Variants in NUDT7 observed in about 807,000 individuals in gnomAD.
NUDT7 encodes the protein nudix hydrolase 7.
Under a neutral mutation model 13.1 loss-of-function variants are expected in NUDT7, and 19 were observed. That is an observed-to-expected ratio of 1.45 (90% CI 1.01 to 2.13). The LOEUF (loss-of-function observed/expected upper bound fraction) is 2.13. Among genes scored for constraint, NUDT7 ranks in the 30% most tolerant of loss-of-function variants. The pLI, the probability that NUDT7 is intolerant of heterozygous loss-of-function variation, is 0.00. For synonymous variants in NUDT7, 132 were observed against 109.7 expected (o/e 1.20, Z -1.27); for missense variants, 360 against 291.7 (o/e 1.23, Z -1.71).
At position 77,735,987 on chromosome 16, in the gene NUDT7, G is replaced by A. The variant is rs2014471906; in HGVS notation, c.348+1G>A. On this transcript the variant is annotated splice_donor_variant, in intron 3 of 3. Transcript: ENST00000268533. LOFTEE classifies it high-confidence loss of function. ...CTGCCTGGTGCCATGTCTTATTGAT[G>A]TAAGGGTTTCCTGAGACACTCATGA... 2.5e-6 allele frequency: 4 copies of A among 1,613,964 alleles called. No homozygotes were observed.
At chr16:77,731,134 T>C (rs921725055) in intron 2 of NUDT7, among the ~76,000 whole-genome samples, 4 of 152,298 alleles carry the variant, frequency 2.6e-5, no homozygotes, top group Middle Eastern at 3.4e-3. Flanking sequence ...TTTGGGGTCA[T>C]ATTTTAAAAA....
At chr16:77,729,480 T>A (rs2014244242) in intron 2 of NUDT7, among the ~76,000 whole-genome samples, 1 of 152,058 alleles carries the variant, frequency 6.6e-6, no homozygotes, top group African/African-American at 2.4e-5. Flanking sequence ...ACCATATACA[T>A]CATATAGTAA....
intron 2 of NUDT7, 176 bp downstream of exon 2, chr16:77,725,760 T>G (rs1242324829): frequency 1.6e-6 from 1 of 609,198 alleles, no homozygotes; most frequent in African/African-American, 1.8e-5. Flanking sequence ...GGAGAAGGTT[T>G]AACAAGAAAA....
intron 2 of NUDT7, among the ~76,000 whole-genome samples, chr16:77,734,922 A>G (rs529603949): frequency 5.4e-4 from 82 of 152,228 alleles, no homozygotes; most frequent in African/African-American, 2.0e-3. Flanking sequence ...AGTAGGGATG[A>G]TTGTACAACA....
chr16:77,722,538 A>T lies in NUDT7; in HGVS notation c.-45A>T. The stretch of plus-strand genomic sequence containing the variant: ...TGCTCTGCGCAAGCGCGACCGACCG[A>T]GCAGCTCCGAGGAGTCCGCCCGGAA... On this transcript the variant is annotated 5_prime_UTR_variant, in exon 1 of 4. Transcript: ENST00000268533. 2 of 1,552,066 alleles carry T rather than the reference A, an allele frequency of 1.3e-6. No individual in the cohort carries two copies. Among genetic ancestry groups the T allele is most frequent in the Non-Finnish European group, 1.7e-6 (2 of 1,144,836 alleles).
intron 1 of NUDT7, among the ~76,000 whole-genome samples, chr16:77,723,619 G>T (rs1158739577): frequency 1.6e-5 from 2 of 126,086 alleles, no homozygotes; most frequent in African/African-American, 3.4e-5. Flanking sequence ...TTGAGACAGA[G>T]TCTCACTCTG....
At chr16:77,736,092 A>C in intron 3 of NUDT7, 106 bp downstream of exon 3, 2 of 1,078,390 alleles carry the variant, frequency 1.9e-6, no homozygotes, top group Non-Finnish European at 2.7e-6. Context: ...AGTACTGTAC[A>C]TAAAGTCAAG....
rs762329400 is a variant in NUDT7 at position 77,725,570 on chromosome 16, G to A, written c.175G>A (p.Val59Ile). 1.0e-4 allele frequency: 167 copies of A among 1,613,914 alleles called. 2 individuals carry two copies. The South Asian group carries it at 1.5e-3, about 15-fold the overall frequency. Residue 59 changes from valine to isoleucine, a missense_variant, in exon 2 of 4, where the codon GTC (valine) becomes ATC (isoleucine). Val to Ile is a conservative substitution (Grantham distance 29). Coordinates refer to ENST00000268533, the MANE Select transcript of NUDT7 (RefSeq NM_001105663.3). ...KEGKLHLLFTVRSEKLRRAPG... is the reference protein window; with the variant it reads ...KEGKLHLLFTIRSEKLRRAPG... The stretch of plus-strand genomic sequence containing the variant: ...AGGAAAACTCCATTTGTTGTTCACC[G>A]TCCGGTCAGAGAAGGTAGGTGGACA...
chr16:77,727,986 G>C (rs1289867736), intron 2 of NUDT7, among the ~76,000 whole-genome samples: 3 of 152,096 alleles, frequency 2.0e-5, no homozygotes, highest in East Asian at 3.9e-4. Flanking sequence ...GTTTCACCCA[G>C]AGCCACTTTT....
At chr16:77,739,801 G>A (rs1260028722) in intron 3 of NUDT7, among the ~76,000 whole-genome samples, 1 of 152,166 alleles carries the variant, frequency 6.6e-6, no homozygotes, top group African/African-American at 2.4e-5. Context: ...AGAGCTGGGA[G>A]TGCCTGTGAA....
At chr16:77,730,591 C>T (rs1042154803) in intron 2 of NUDT7, among the ~76,000 whole-genome samples, 1 of 152,084 alleles carries the variant, frequency 6.6e-6, no homozygotes, top group East Asian at 1.9e-4. Flanking sequence ...GAGACCTCTT[C>T]GATATACTGA....
chr16:77,739,070 G>T (rs2014577338), intron 3 of NUDT7, among the ~76,000 whole-genome samples: 1 of 152,208 alleles, frequency 6.6e-6, no homozygotes, highest in Admixed American at 6.5e-5. Flanking sequence ...AGCATACATT[G>T]TTGGGGCTCT....
rs1597122015 is a variant in NUDT7 at position 77,742,067 on chromosome 16, T to G, written c.*117T>G. ...AGGTGTGAATATTTTTTCTGCAGTA[T>G]GTAGTTAGAATCCTTGCCTCTTTTC... On this transcript the variant is annotated 3_prime_UTR_variant, in exon 4 of 4. Coordinates refer to ENST00000268533, the MANE Select transcript of NUDT7 (RefSeq NM_001105663.3). 2 of 1,470,656 alleles carry G rather than the reference T, an allele frequency of 1.4e-6. No individual in the cohort carries two copies. The highest frequency in any genetic ancestry group is 8.9e-7 in the Non-Finnish European group (1 of 1,119,944). The allele number at this position is 1,470,656 out of a possible 1,614,324, so 91.1% of individuals were successfully genotyped here.
rs3743755 is a variant in NUDT7 at position 77,725,155 on chromosome 16, T to C, written c.36-276T>C. ...ATAATTATGGGTTTCAAAATTCAAC[T>C]GTTGCATTATTGAAAAAACATTTTA... On this transcript the variant is annotated intron_variant, in intron 1 of 3. Transcript: ENST00000268533. Among the ~76,000 whole-genome samples the C allele has an allele frequency of 2.6e-5, 4 of 152,356 alleles. No homozygotes were observed. In the East Asian group the frequency reaches 7.7e-4, roughly 29 times the overall value.
Position 77,722,605 on chromosome 16 carries a change from A to T in NUDT7, c.23A>T (p.Glu8Val), listed in dbSNP as rs201771784. 1.8e-5 allele frequency: 28 copies of T among 1,594,614 alleles called. No homozygotes were observed. In the African/African-American group the frequency reaches 3.5e-4, roughly 20 times the overall value. ...GCAATGTCACGACTTGGTCTTCCCG[A>T]GGAGCCAGTCAGGTAAAGGCTTTCC... MSRLGLP[E>V]EPVRNSLLDD... The change falls in exon 1 of 4, where the codon GAG (glutamate) becomes GTG (valine). Residue 8 changes from glutamate (E) to valine (V), a missense_variant. Transcript: ENST00000268533.
intron 2 of NUDT7, among the ~76,000 whole-genome samples, chr16:77,732,389 T>C (rs1009629266): frequency 1.3e-5 from 2 of 152,098 alleles, no homozygotes; most frequent in Non-Finnish European, 2.9e-5. Context: ...TGTCTAGTAT[T>C]TATGAAGTCT....
chr16:77,740,463 GC>G (rs2014623853), intron 3 of NUDT7, among the ~76,000 whole-genome samples: 2 of 152,042 alleles, frequency 1.3e-5, no homozygotes, highest in Non-Finnish European at 2.9e-5. Context: ...TCAGCCCCAG[GC>G]CTCCCTCTCA....
chr16:77,726,539 G>A (rs558958187), intron 2 of NUDT7, among the ~76,000 whole-genome samples: 17 of 152,290 alleles, frequency 1.1e-4, no homozygotes, highest in African/African-American at 3.8e-4. Context: ...GCTCAAGCAT[G>A]TAATCCCAGC....
intron 2 of NUDT7, among the ~76,000 whole-genome samples, chr16:77,727,961 T>A (rs1319451034): frequency 2.0e-5 from 3 of 151,496 alleles, no homozygotes; most frequent in Admixed American, 2.0e-4. Flanking sequence ...ACCAACGGGG[T>A]CTCTAGTTTC....
Sources: gnomAD v4.1 joint callset for allele counts (sites outside exome capture counted in the v4.1 genomes callset) on GRCh38, gnomAD v4.1.1 for gene constraint, MANE v1.5 for transcripts, NCBI Gene and HGNC (gene_info 2026-07-23, HGNC 2026-07-21) for gene names.